The following ATP2C2 variants were observed in gnomAD, a reference collection of about 807,000 sequenced individuals.
ATP2C2 encodes the protein calcium-transporting ATPase type 2C member 2.
In ATP2C2, 171 loss-of-function variants were observed where a neutral mutation model predicts 110.8. The ratio of observed to expected loss-of-function variants is 1.54; its 90% confidence interval spans 1.36 to 1.75. ATP2C2 has a LOEUF of 1.75. Ranked by LOEUF, ATP2C2 falls within the 40% of genes most tolerant of loss-of-function variation. The pLI, the probability that ATP2C2 is intolerant of heterozygous loss-of-function variation, is 0.00. For missense variants in ATP2C2, 1,963 were observed against 1,235.0 expected, an observed-to-expected ratio of 1.59 and a Z score of -8.84; for synonymous variants, 804 against 508.4, an observed-to-expected ratio of 1.58 and a Z score of -7.82.
chr16:84,424,464 G>A (rs1056060498), intron 10 of ATP2C2, among the ~76,000 whole-genome samples: 1 of 152,012 alleles, frequency 6.6e-6, no homozygotes, highest in African/African-American at 2.4e-5. Flanking sequence ...TTTTGGTAGA[G>A]ACAGGGTTTT....
chr16:84,459,403 T>A lies in ATP2C2; in HGVS notation c.2333+17T>A. Reference sequence around the variant, plus strand: ...GGCGCAGAGGTGAGGCAGGGCCGGCTGGGAGCCCTGTGTCTCTTTACCCAC... The same window carrying A: ...GGCGCAGAGGTGAGGCAGGGCCGGCAGGGAGCCCTGTGTCTCTTTACCCAC... On this transcript the variant is annotated intron_variant, in intron 23 of 26. Coordinates refer to ENST00000262429, the MANE Select transcript of ATP2C2 (RefSeq NM_014861.4). 1 of 1,611,420 alleles carries A rather than the reference T, an allele frequency of 6.2e-7. No individual in the cohort carries two copies. Among genetic ancestry groups the A allele is most frequent in the Non-Finnish European group, 8.5e-7 (1 of 1,177,596 alleles).
intron 1 of ATP2C2, among the ~76,000 whole-genome samples, chr16:84,377,099 CTGAG>C (rs1369626213): frequency 1.3e-5 from 2 of 152,098 alleles, no homozygotes; most frequent in Non-Finnish European, 2.9e-5. Flanking sequence ...TGTGCTAAGA[CTGAG>C]TGAGTAGTGG....
chr16:84,450,050 C>G (rs560287787), intron 17 of ATP2C2, among the ~76,000 whole-genome samples: 4 of 152,252 alleles, frequency 2.6e-5, no homozygotes, highest in Non-Finnish European at 5.9e-5. Flanking sequence ...TGCTGCGGAG[C>G]GTAATGACGC....
In ATP2C2 at chr16:84,394,537, A is replaced by C. The variant is rs952524444; in HGVS notation, c.100-3962A>C. On this transcript the variant is annotated intron_variant, in intron 1 of 26. Transcript: ENST00000262429. ...AAGTGTGTTTCCCAGGGCTATGGTC[A>C]CCGAGTACCAAAAATGTGGTGGCTT... Among the ~76,000 whole-genome samples the C allele has an allele frequency of 5.3e-5, 8 of 152,096 alleles. 1 individual carries two copies. Among genetic ancestry groups the C allele is most frequent in the Non-Finnish European group, 7.3e-5 (5 of 68,042 alleles).
At chr16:84,437,611 G>A (rs1220242954) in intron 11 of ATP2C2, among the ~76,000 whole-genome samples, 1 of 152,172 alleles carries the variant, frequency 6.6e-6, no homozygotes, top group Non-Finnish European at 1.5e-5. Context: ...CGCCTCTCAG[G>A]TTCAAGCAAT....
chr16:84,461,721 A>G lies in ATP2C2; in HGVS notation c.2489A>G (p.Glu830Gly), dbSNP rs200378207. The G allele has an allele frequency of 6.2e-7, 1 of 1,613,990 alleles. No individual in the cohort carries two copies. The highest frequency in any genetic ancestry group is 8.5e-7 in the Non-Finnish European group (1 of 1,179,964). The change falls in exon 25 of 27, where the codon GAA becomes GGA. Residue 830 changes from glutamate (E) to glycine (G), a missense_variant. Transcript: ENST00000262429. ...TLFIFWKEMP[E>G]DRASTPRTTT... ...TTTGTGCTCACCTTCCAGATGCCTGAAGACAGAGCAAGCACTCCCCGCACC... is the reference window on the plus strand; with the variant it reads ...TTTGTGCTCACCTTCCAGATGCCTGGAGACAGAGCAAGCACTCCCCGCACC...
chr16:84,435,187 C>T (rs993306176), intron 11 of ATP2C2, among the ~76,000 whole-genome samples: 1 of 152,216 alleles, frequency 6.6e-6, no homozygotes, highest in African/African-American at 2.4e-5. Flanking sequence ...GTGAGATGTA[C>T]ATTCTTTTTC....
At chr16:84,422,803 G>A (rs1311754805) in intron 9 of ATP2C2, 106 bp downstream of exon 9, 24 of 1,171,438 alleles carry the variant, frequency 2.0e-5, no homozygotes, top group Non-Finnish European at 2.9e-5. Context: ...GTGGCATGTG[G>A]TTCATATGAG....
chr16:84,452,688 G>A lies in ATP2C2; in HGVS notation c.1832-450G>A, dbSNP rs140970089. The stretch of plus-strand genomic sequence containing the variant: ...TAATTTTTTGTATTTTAGTAGAGAC[G>A]GGGTTTCACTGTGTTGCCCAGGCTG... On this transcript the variant is annotated intron_variant, in intron 18 of 26. Transcript: ENST00000262429. 1.2e-3 allele frequency among the ~76,000 whole-genome samples: 178 copies of A among 152,080 alleles called. 1 individual carries two copies. The highest frequency in any genetic ancestry group is 3.6e-3 in the African/African-American group (148 of 41,482).
In ATP2C2 at chr16:84,429,512, C is replaced by T. The variant is rs185867548; in HGVS notation, c.986+3711C>T. 1.8e-4 allele frequency among the ~76,000 whole-genome samples: 27 copies of T among 152,186 alleles called. No individual in the cohort carries two copies. In the South Asian group the frequency reaches 2.7e-3, roughly 15 times the overall value. ...TGTTACTGTGTATAGCACGTGACTGCGTGATCTGTTCGTATCACTTTCATT... is the reference window on the plus strand; with the variant it reads ...TGTTACTGTGTATAGCACGTGACTGTGTGATCTGTTCGTATCACTTTCATT... On this transcript the variant is annotated intron_variant, in intron 11 of 26. Coordinates refer to ENST00000262429, the MANE Select transcript of ATP2C2 (RefSeq NM_014861.4).
intron 13 of ATP2C2, among the ~76,000 whole-genome samples, 199 bp downstream of exon 13, chr16:84,439,723 T>C (rs896861893): frequency 2.6e-5 from 4 of 152,242 alleles, no homozygotes; most frequent in Non-Finnish European, 5.9e-5. Flanking sequence ...CAATTTAAGG[T>C]AGCCTCCTTT....
At chr16:84,428,689 A>T (rs1907999689) in intron 11 of ATP2C2, among the ~76,000 whole-genome samples, 1 of 152,214 alleles carries the variant, frequency 6.6e-6, no homozygotes, top group East Asian at 1.9e-4. Context: ...TAATAAGTTC[A>T]TCTCTTCCCT....
At chr16:84,459,868 G>A in intron 23 of ATP2C2, 1 of 369,872 alleles carries the variant, frequency 2.7e-6, no homozygotes, top group South Asian at 2.8e-5. Flanking sequence ...GATGTCTAGA[G>A]ATAAAGGGCT....
rs560475113 is a variant in ATP2C2 at position 84,429,522 on chromosome 16, T to C, written c.986+3721T>C. ...TATAGCACGTGACTGCGTGATCTGT[T>C]CGTATCACTTTCATTGAATCCCTTT... On this transcript the variant is annotated intron_variant, in intron 11 of 26. Coordinates refer to ENST00000262429, the MANE Select transcript of ATP2C2 (RefSeq NM_014861.4). Among the ~76,000 whole-genome samples the C allele has an allele frequency of 3.3e-5, 5 of 152,290 alleles. No individual in the cohort carries two copies. The East Asian group carries it at 9.6e-4, about 29-fold the overall frequency.
At chr16:84,454,567 G>A (rs747718) in intron 20 of ATP2C2, among the ~76,000 whole-genome samples, 55,377 of 152,014 alleles carry the variant, frequency 0.36, 10,367 homozygotes, top group Middle Eastern at 0.44. Context: ...CGTCACATCC[G>A]TCATCTCAGT....
chr16:84,376,845 C>T (rs751953723), intron 1 of ATP2C2, among the ~76,000 whole-genome samples: 3 of 152,184 alleles, frequency 2.0e-5, no homozygotes, highest in African/African-American at 7.2e-5. Context: ...CTGTCCTGCA[C>T]GGGGATCTCT....
chr16:84,394,562 T>C (rs769535558), intron 1 of ATP2C2, among the ~76,000 whole-genome samples: 5 of 152,060 alleles, frequency 3.3e-5, no homozygotes, highest in Admixed American at 6.6e-5. Flanking sequence ...TGTGGTGGCT[T>C]AAATTTAAAT....
chr16:84,375,068 T>C (rs575064523), intron 1 of ATP2C2, among the ~76,000 whole-genome samples: 1 of 152,282 alleles, frequency 6.6e-6, no homozygotes, highest in Admixed American at 6.5e-5. Context: ...TGAAAACAAA[T>C]ACTTTAAAAC....
rs745482175 is a variant in ATP2C2, at chr16:84,439,458, G to A, written c.1143G>A (p.Thr381=). The change falls in exon 13 of 27, where the codon ACG becomes ACA. Residue 381 remains threonine (T), a synonymous_variant. Transcript: ENST00000262429. ...GCCSVLCSDK[T]GTLTANEMTV... ...GCAGCGTTCTCTGTTCTGACAAGAC[G>A]GGGACTCTGACTGCCAATGAAATGA... 1.3e-5 allele frequency: 21 copies of A among 1,613,982 alleles called. No homozygotes were observed. In the African/African-American group the frequency reaches 1.6e-4, roughly 12 times the overall value.
Sources: gnomAD v4.1 joint callset for allele counts (sites outside exome capture counted in the v4.1 genomes callset) on GRCh38, gnomAD v4.1.1 for gene constraint, MANE v1.5 for transcripts, NCBI Gene and HGNC (gene_info 2026-07-23, HGNC 2026-07-21) for gene names.